Variants in NCKAP5 observed in about 807,000 individuals in gnomAD.
NCKAP5 encodes the protein NCK associated protein 5.
In NCKAP5, 92 loss-of-function variants were observed where a neutral mutation model predicts 167.0. The ratio of observed to expected loss-of-function variants is 0.55; its 90% CI spans 0.47 to 0.66. The LOEUF (loss-of-function observed/expected upper bound fraction) is 0.66. NCKAP5 is among the 30% of genes least tolerant of loss of function. The probability of loss-of-function intolerance (pLI) is 0.00; values close to 1 mark genes in which losing one functional copy is unlikely to be tolerated. For synonymous variants in NCKAP5, 891 were observed against 877.4 expected (o/e 1.02, Z -0.27); for missense variants, 2,378 against 2,315.0 (o/e 1.03, Z -0.56).
chr2:132,745,511 C>T (rs1679562605), intron 16 of NCKAP5, among the ~76,000 whole-genome samples: 2 of 151,700 alleles, frequency 1.3e-5, no homozygotes, highest in African/African-American at 4.8e-5. Flanking sequence ...AAAAAATAGA[C>T]TGAATGTTCC....
At chr2:133,430,862 G>A (rs1311260625) in intron 3 of NCKAP5, among the ~76,000 whole-genome samples, 1 of 151,396 alleles carries the variant, frequency 6.6e-6, no homozygotes, top group Non-Finnish European at 1.5e-5. Flanking sequence ...GGGGGTGGGG[G>A]TGGAGAGGGA....
chr2:132,988,343 G>T (rs2077350671), intron 7 of NCKAP5, among the ~76,000 whole-genome samples: 1 of 151,588 alleles, frequency 6.6e-6, no homozygotes, highest in Non-Finnish European at 1.5e-5. Context: ...ACGACTGTAG[G>T]CCCAGCTACT....
chr2:133,365,904 G>A (rs1685428535), intron 3 of NCKAP5, among the ~76,000 whole-genome samples: 2 of 152,326 alleles, frequency 1.3e-5, no homozygotes, highest in Middle Eastern at 6.8e-3. Flanking sequence ...AATTAAAGCA[G>A]CCATGGTGTA....
intron 3 of NCKAP5, among the ~76,000 whole-genome samples, chr2:133,392,412 CT>C (rs931190047): frequency 6.6e-6 from 1 of 152,136 alleles, no homozygotes; most frequent in Admixed American, 6.5e-5. Flanking sequence ...CAAAATAGCC[CT>C]AATGATGCAT....
rs761929944 is a variant in NCKAP5 at position 132,731,823 on chromosome 2, G to A, written c.5357C>T (p.Ala1786Val). 6.2e-6 allele frequency: 10 copies of A among 1,613,826 alleles called. 1 individual carries two copies. In the Admixed American group the frequency reaches 1.0e-4, roughly 16 times the overall value. ...GGGGTCGGATGTGGAATGAACAATGGCGCTATCTGCAGGGCGCTGGCCGTC... is the reference window on the plus strand; with the variant it reads ...GGGGTCGGATGTGGAATGAACAATGACGCTATCTGCAGGGCGCTGGCCGTC... ...STDGQRPADS[A>V]IVHSTSDPIM... Residue 1786 changes from alanine (A) to valine (V), a missense_variant, in exon 17 of 20, where the codon GCC becomes GTC. This residue lies in a region of NCKAP5 where 1,325 missense variants were observed against 1,274.5 expected (regional missense o/e 1.04). Coordinates refer to ENST00000409261, the MANE Select transcript of NCKAP5 (RefSeq NM_207363.3).
chr2:133,674,090 A>G, the NCKAP5 span, among the ~76,000 whole-genome samples: 1 of 152,190 alleles, frequency 6.6e-6, no homozygotes, highest in Admixed American at 6.5e-5. Flanking sequence ...TCCTTAAAAT[A>G]TTAGAAAAGG....
chr2:133,287,824 A>G (rs975515152), intron 4 of NCKAP5, among the ~76,000 whole-genome samples: 2 of 152,306 alleles, frequency 1.3e-5, no homozygotes, highest in Admixed American at 1.3e-4. Flanking sequence ...TCTATTTGGA[A>G]TGGAGAGAGA....
intron 11 of NCKAP5, among the ~76,000 whole-genome samples, chr2:132,835,965 A>T (rs1299205883): frequency 6.6e-6 from 1 of 152,182 alleles, no homozygotes; most frequent in East Asian, 1.9e-4. Flanking sequence ...TACTCTTCTA[A>T]AAATATACTT....
intron 3 of NCKAP5, among the ~76,000 whole-genome samples, chr2:133,356,827 A>C (rs1031849804): frequency 6.6e-6 from 1 of 152,312 alleles, no homozygotes; most frequent in Non-Finnish European, 1.5e-5. Context: ...AGATATTATA[A>C]CATCAATACT....
intron 19 of NCKAP5, among the ~76,000 whole-genome samples, chr2:132,697,972 T>C (rs1455197258): frequency 1.3e-5 from 2 of 152,236 alleles, no homozygotes; most frequent in Non-Finnish European, 2.9e-5. Context: ...TTCAAACTTT[T>C]ATGAGTAAAT....
intron 16 of NCKAP5, among the ~76,000 whole-genome samples, chr2:132,747,185 A>C (rs558085336): frequency 6.7e-6 from 1 of 149,188 alleles, no homozygotes; most frequent in Non-Finnish European, 1.5e-5. Context: ...AAAAAAAAAC[A>C]AAACAAAGAA....
intron 3 of NCKAP5, among the ~76,000 whole-genome samples, chr2:133,320,743 A>C (rs1464789281): frequency 6.6e-6 from 1 of 152,090 alleles, no homozygotes; most frequent in African/African-American, 2.4e-5. Context: ...CAAACAAAAA[A>C]AAAGAAAAGA....
intron 5 of NCKAP5, among the ~76,000 whole-genome samples, chr2:133,152,775 C>T (rs997530969): frequency 1.3e-5 from 2 of 152,086 alleles, no homozygotes; most frequent in Non-Finnish European, 2.9e-5. Context: ...AACAGTGATC[C>T]CATGAGATTA....
At chr2:132,932,627 G>A (rs925162096) in intron 8 of NCKAP5, among the ~76,000 whole-genome samples, 3 of 152,102 alleles carry the variant, frequency 2.0e-5, no homozygotes, top group East Asian at 1.9e-4. Context: ...GTAAACAGTC[G>A]TACTAGCTGT....
At chr2:132,886,626 C>T (rs964631486) in intron 8 of NCKAP5, among the ~76,000 whole-genome samples, 1 of 152,154 alleles carries the variant, frequency 6.6e-6, no homozygotes, top group Non-Finnish European at 1.5e-5. Context: ...TGATACTTTT[C>T]AAAAGTATAG....
At chr2:133,455,876 T>G (rs907226905) in intron 3 of NCKAP5, among the ~76,000 whole-genome samples, 1 of 152,152 alleles carries the variant, frequency 6.6e-6, no homozygotes, top group African/African-American at 2.4e-5. Flanking sequence ...CGTGGTTAGA[T>G]GTAAATAAAT....
chr2:132,871,096 C>T (rs1690777972), intron 9 of NCKAP5, among the ~76,000 whole-genome samples: 1 of 152,114 alleles, frequency 6.6e-6, no homozygotes. Flanking sequence ...TACAGAACTA[C>T]CACAGACCAA....
intron 6 of NCKAP5, among the ~76,000 whole-genome samples, chr2:133,016,956 T>C (rs1482421832): frequency 6.6e-6 from 1 of 152,244 alleles, no homozygotes; most frequent in African/African-American, 2.4e-5. Flanking sequence ...ATTTCAAAAT[T>C]TGCATTGAAT....
At chr2:133,035,233 A>C (rs1486291932) in intron 6 of NCKAP5, among the ~76,000 whole-genome samples, 28 of 152,086 alleles carry the variant, frequency 1.8e-4, no homozygotes, top group Non-Finnish European at 1.5e-5. Context: ...ATAAATATGC[A>C]CACAACCCTG....
Sources: allele counts gnomAD v4.1 joint callset (sites outside exome capture counted in the v4.1 genomes callset), GRCh38; gene constraint gnomAD v4.1.1; regional missense constraint gnomAD v4.1.1; transcripts MANE v1.5; gene names NCBI Gene and HGNC (gene_info 2026-07-23, HGNC 2026-07-21).